Variants in SLC45A3 observed in about 807,000 individuals in gnomAD.
The protein encoded by SLC45A3 is prostate cancer associated protein 2.
A neutral mutation model predicts 35.3 loss-of-function variants in SLC45A3; 17 were observed. The ratio of observed to expected loss-of-function variants is 0.48; its 90% CI spans 0.33 to 0.72. SLC45A3 has a LOEUF of 0.72. SLC45A3 is among the 30% of genes least tolerant of loss of function. The pLI, the probability that SLC45A3 is intolerant of heterozygous loss-of-function variation, is 0.02. For missense variants in SLC45A3, 597 were observed against 731.7 expected (o/e 0.82, Z 2.12); for synonymous variants, 288 against 334.3 (o/e 0.86, Z 1.51).
chr1:205,664,894 G>A lies in SLC45A3; in HGVS notation c.-230-8C>T, dbSNP rs1671094485. Reference sequence around the variant, plus strand: ...CGTCTCATCACTCAGATCCTAGAAGGGCGGGGCAATCACAAGCACACGGGG... The same window carrying A: ...CGTCTCATCACTCAGATCCTAGAAGAGCGGGGCAATCACAAGCACACGGGG... On this transcript the variant is annotated splice_polypyrimidine_tract_variant and splice_region_variant and intron_variant, in intron 1 of 4. Coordinates refer to ENST00000367145, the MANE Select transcript of SLC45A3 (RefSeq NM_033102.3). The surrounding 1 kb of genome is among the most constrained non-coding windows in gnomAD (Gnocchi z 5.3). 1.2e-5 allele frequency: 16 copies of A among 1,361,242 alleles called. No homozygotes were observed. Among genetic ancestry groups the A allele is most frequent in the Non-Finnish European group, 1.5e-5 (16 of 1,059,702 alleles). The allele number at this position is 1,361,242 out of a possible 1,614,324, so 84.3% of individuals were successfully genotyped here.
In SLC45A3 at chr1:205,662,109, G is replaced by A. The variant is rs1280293628; in HGVS notation, c.976C>T (p.Leu326=). The change falls in exon 4 of 5, where the codon CTG becomes TTG. Residue 326 remains leucine, a synonymous_variant. Transcript: ENST00000367145. This position sits in a 1 kb window ranked among gnomAD's most constrained non-coding sequence, Gnocchi z 6.2. Reference sequence around the variant, plus strand: ...ATGGCGCACTGCAGGAACAGCCCCAGGCTGCCCATCCGAACGCCTGCAGAG... The same window carrying A: ...ATGGCGCACTGCAGGAACAGCCCCAAGCTGCCCATCCGAACGCCTGCAGAG... ...HYDEGVRMGS[L]GLFLQCAISL... The A allele has an allele frequency of 6.2e-7, 1 of 1,613,248 alleles. No individual in the cohort carries two copies. Among genetic ancestry groups the A allele is most frequent in the Non-Finnish European group, 8.5e-7 (1 of 1,179,522 alleles).
rs1444266182 is a variant in SLC45A3 at position 205,659,627 on chromosome 1, A to G, written c.1269T>C (p.Ser423=). ...GGAAGCTGGTCATCAGGCTGTCCTC[A>G]CTGCTAGCACCTCCAGTGTCCCCTC... The part of the protein sequence containing the change: ...KYRGDTGGAS[S]EDSLMTSFLP... Residue 423 remains serine (S), a synonymous_variant, in exon 5 of 5, where the codon AGT becomes AGC. Transcript: ENST00000367145. The surrounding 1 kb of genome is among the most constrained non-coding windows in gnomAD (Gnocchi z 5.8). The G allele has an allele frequency of 1.6e-5, 24 of 1,539,568 alleles. No individual in the cohort carries two copies. The highest frequency in any genetic ancestry group is 2.1e-5 in the Non-Finnish European group (24 of 1,146,534).
At chr1:205,673,414 T>A in intron 1 of SLC45A3, among the ~76,000 whole-genome samples, 1 of 152,180 alleles carries the variant, frequency 6.6e-6, no homozygotes, top group South Asian at 2.1e-4. Flanking sequence ...GAAGCCTAAA[T>A]GGCTTTCCTC....
chr1:205,662,409 A>T lies in SLC45A3; in HGVS notation c.959-283T>A. 7.4e-7 allele frequency: 1 copy of T among 1,356,742 alleles called. No individual in the cohort carries two copies. The allele number at this position is 1,356,742 out of a possible 1,614,324, so 84.0% of individuals were successfully genotyped here. A position where few individuals can be genotyped will look rare whatever the true frequency, so the allele number is the denominator to read the frequency against. ...TGAGGACAGGCGGGTGAGAGGGAAC[A>T]CAAAGACAGCTGGCCATAGGCTTCA... On this transcript the variant is annotated intron_variant, in intron 3 of 4. Transcript: ENST00000367145. The surrounding 1 kb of genome is among the most constrained non-coding windows in gnomAD (Gnocchi z 6.2).
rs1444830658 is a variant in SLC45A3, at chr1:205,664,475, A to G, written c.172+10T>C. On this transcript the variant is annotated intron_variant, in intron 2 of 4. Coordinates refer to ENST00000367145, the MANE Select transcript of SLC45A3 (RefSeq NM_033102.3). This position sits in a 1 kb window ranked among gnomAD's most constrained non-coding sequence, Gnocchi z 5.3. ...CTGGAACAGGAAGGAAGGAGGATGT[A>G]GTGACTCACCCAGCACCATGGTCAT... The G allele has an allele frequency of 1.2e-6, 2 of 1,613,670 alleles. No individual in the cohort carries two copies. Among genetic ancestry groups the G allele is most frequent in the Non-Finnish European group, 8.5e-7 (1 of 1,179,676 alleles).
Position 205,658,179 on chromosome 1 carries a change from T to TAGGGGAAAGTTGGGGGG in SLC45A3, c.*1054_*1055insCCCCCCAACTTTCCCCT, listed in dbSNP as rs1670957703. On this transcript the variant is annotated 3_prime_UTR_variant, in exon 5 of 5. Transcript: ENST00000367145. ...GTTGGGGGTAGGGGAAAGTTGGGGG[T>TAGGGGAAAGTTGGGGGG]AGGGGAAATTTTGGGCAGTGCCTTC... The TAGGGGAAAGTTGGGGGG allele has an allele frequency of 1.2e-5, 2 of 171,224 alleles. No individual in the cohort carries two copies. Among genetic ancestry groups the TAGGGGAAAGTTGGGGGG allele is most frequent in the African/African-American group, 7.5e-5 (2 of 26,766 alleles). 10.6% of individuals were successfully genotyped at this position (171,224 alleles called of 1,614,324 possible).
At chr1:205,667,056 G>GGCT (rs1671130716) in intron 1 of SLC45A3, among the ~76,000 whole-genome samples, 1 of 152,168 alleles carries the variant, frequency 6.6e-6, no homozygotes, top group Admixed American at 6.5e-5. Flanking sequence ...TCTAAGTCCT[G>GGCT]GCTGCTCCCT....
intron 1 of SLC45A3, among the ~76,000 whole-genome samples, chr1:205,673,688 G>T (rs1671253590): frequency 6.6e-6 from 1 of 152,180 alleles, no homozygotes; most frequent in African/African-American, 2.4e-5. Flanking sequence ...TATTAGATCT[G>T]AGTCCTAGAG....
chr1:205,679,472 G>A (rs771014348), intron 1 of SLC45A3, among the ~76,000 whole-genome samples: 5 of 152,152 alleles, frequency 3.3e-5, no homozygotes, highest in Non-Finnish European at 7.4e-5. Context: ...GCACTAGGGA[G>A]AAAGCATGCA....
chr1:205,662,319 G>A lies in SLC45A3; in HGVS notation c.959-193C>T. 3.5e-6 allele frequency: 5 copies of A among 1,421,930 alleles called. No homozygotes were observed. The highest frequency in any genetic ancestry group is 1.4e-5 in the African/African-American group (1 of 69,566). The allele number at this position is 1,421,930 out of a possible 1,614,324, so 88.1% of individuals were successfully genotyped here. ...GTTCTTCCACTGACCCTCAGAGAATGTGGGCAACGCCCCTTGCTGAAGGCA... is the reference window on the plus strand; with the variant it reads ...GTTCTTCCACTGACCCTCAGAGAATATGGGCAACGCCCCTTGCTGAAGGCA... On this transcript the variant is annotated intron_variant, in intron 3 of 4. Transcript: ENST00000367145. The surrounding 1 kb of genome is among the most constrained non-coding windows in gnomAD (Gnocchi z 6.2).
chr1:205,673,574 A>G (rs898507928), intron 1 of SLC45A3, among the ~76,000 whole-genome samples: 2 of 152,170 alleles, frequency 1.3e-5, no homozygotes, highest in Admixed American at 6.5e-5. Flanking sequence ...ATGCAAACCT[A>G]CAGATGGGCA....
chr1:205,661,863 G>A lies in SLC45A3; in HGVS notation c.1222C>T (p.Gln408Ter), dbSNP rs764563287. The change falls in exon 4 of 5, where the codon CAG becomes TAG. Residue 408 changes from glutamine to a stop codon, truncating the protein, a stop_gained and splice_region_variant. Transcript: ENST00000367145. LOFTEE classifies it high-confidence loss of function. The stretch of plus-strand genomic sequence containing the variant: ...TCCACCCACTGGCCAATGAGTACCT[G>A]CTTCTCCCGGTGGTAGAGGGAGGCC... ...TLASLYHREK[Q>*]VFLPKYRGDT... is the part of the protein sequence containing the mutation. 4 of 1,611,680 alleles carry A rather than the reference G, an allele frequency of 2.5e-6. No homozygotes were observed. In the Admixed American group the frequency reaches 5.0e-5, roughly 20 times the overall value.
At chr1:205,667,134 T>C (rs1671132109) in intron 1 of SLC45A3, among the ~76,000 whole-genome samples, 1 of 152,084 alleles carries the variant, frequency 6.6e-6, no homozygotes, top group Non-Finnish European at 1.5e-5. Context: ...TTTGGGAGGC[T>C]GGAGTGGGAT....
intron 4 of SLC45A3, among the ~76,000 whole-genome samples, chr1:205,660,291 C>T (rs1408966490): frequency 1.3e-5 from 2 of 152,190 alleles, no homozygotes; most frequent in Non-Finnish European, 2.9e-5. Context: ...CCACCTCCCC[C>T]AGCCCCAGCT....
At chr1:205,670,476 A>G (rs922077656) in intron 1 of SLC45A3, among the ~76,000 whole-genome samples, 5 of 152,136 alleles carry the variant, frequency 3.3e-5, no homozygotes, top group Non-Finnish European at 7.4e-5. Flanking sequence ...CCCACTCAGA[A>G]TGAAGCCCCC....
In SLC45A3 at chr1:205,668,329, G is replaced by A. The variant is rs149193369; in HGVS notation, c.-230-3443C>T. 1.9e-3 allele frequency among the ~76,000 whole-genome samples: 285 copies of A among 152,148 alleles called. 4 individuals are homozygous for A. The highest frequency in any genetic ancestry group is 6.2e-3 in the East Asian group (32 of 5,162). On this transcript the variant is annotated intron_variant, in intron 1 of 4. Transcript: ENST00000367145. ...TGCTCGCCATCCCCGCTCCAGGGCC[G>A]CCTTCCCTGGAGCACAAACGGAGGA...
rs566423912 is a variant in SLC45A3 at position 205,661,849 on chromosome 1, G to C, written c.1224+12C>G. 1 of 1,605,346 alleles carries C rather than the reference G, an allele frequency of 6.2e-7. No individual in the cohort carries two copies. Among genetic ancestry groups the C allele is most frequent in the East Asian group, 2.2e-5 (1 of 44,654 alleles). On this transcript the variant is annotated intron_variant, in intron 4 of 4. Transcript: ENST00000367145. ...CCTCCCACCCTGACTCCACCCACTG[G>C]CCAATGAGTACCTGCTTCTCCCGGT...
chr1:205,680,364 C>G (rs1199425300), intron 1 of SLC45A3, 30 bp downstream of exon 1: 1 of 151,874 alleles, frequency 6.6e-6, no homozygotes, highest in African/African-American at 2.4e-5. Context: ...GGGACCCTCA[C>G]CCCTGGGAGA....
rs538798565 is a variant in SLC45A3 at position 205,658,987 on chromosome 1, C to G, written c.*247G>C. 1 of 528,394 alleles carries G rather than the reference C, an allele frequency of 1.9e-6. No individual in the cohort carries two copies. Among genetic ancestry groups the G allele is most frequent in the African/African-American group, 1.9e-5 (1 of 52,996 alleles). 32.7% of individuals were successfully genotyped at this position (528,394 alleles called of 1,614,324 possible). On this transcript the variant is annotated 3_prime_UTR_variant, in exon 5 of 5. Transcript: ENST00000367145. ...GCCCTTCTGGCCTCCCTGTATAAGT[C>G]CAGACTGAAACCCCCTTGGAAGGCC...
Sources: allele counts gnomAD v4.1 joint callset (sites outside exome capture counted in the v4.1 genomes callset), GRCh38; gene constraint gnomAD v4.1.1; non-coding constraint Gnocchi (gnomAD v3.1); transcripts MANE v1.5; gene names NCBI Gene and HGNC (gene_info 2026-07-23, HGNC 2026-07-21).